EPS8: variants seen among roughly 807,000 people sequenced by gnomAD.
EPS8 encodes the protein epidermal growth factor receptor kinase substrate 8.
In EPS8, 42 loss-of-function variants were observed where a neutral mutation model predicts 103.8. The observed-to-expected ratio is 0.40, with a 90% CI of 0.32 to 0.52. The LOEUF (loss-of-function observed/expected upper bound fraction) is 0.52, where lower values mean the gene tolerates loss of function less well. EPS8 is among the 20% of genes least tolerant of loss of function. EPS8 has a pLI of 0.40. For missense variants in EPS8, 969 were observed against 1,005.1 expected (o/e 0.96, Z 0.49); for synonymous variants, 344 against 344.6 (o/e 1.00, Z 0.02).
chr12:15,739,499 T>A (rs986732215), intron 1 of EPS8, among the ~76,000 whole-genome samples: 1 of 152,144 alleles, frequency 6.6e-6, no homozygotes, highest in Non-Finnish European at 1.5e-5. Flanking sequence ...GGGGACCAGA[T>A]GGAACAAAAA....
intron 17 of EPS8, among the ~76,000 whole-genome samples, chr12:15,636,446 T>C (rs1473409888): frequency 1.3e-5 from 2 of 152,194 alleles, no homozygotes; most frequent in East Asian, 3.8e-4. Context: ...ACAGAGCTGT[T>C]AAAAATCACT....
At chr12:15,643,805 G>A (rs534589156) in intron 15 of EPS8, among the ~76,000 whole-genome samples, 3 of 148,124 alleles carry the variant, frequency 2.0e-5, no homozygotes, top group Non-Finnish European at 4.4e-5. Context: ...GTAACAAAAC[G>A]TATGGGCTCA....
chr12:15,719,804 A>T (rs1946574950), intron 1 of EPS8, among the ~76,000 whole-genome samples: 1 of 152,172 alleles, frequency 6.6e-6, no homozygotes, highest in Admixed American at 6.6e-5. Context: ...CTTTATTTAG[A>T]TTATAGTTTA....
chr12:15,691,299 G>A (rs541487987), intron 1 of EPS8, among the ~76,000 whole-genome samples: 18 of 151,770 alleles, frequency 1.2e-4, no homozygotes, highest in African/African-American at 4.4e-4. Flanking sequence ...CCAACACTTT[G>A]GGAAGTCAAG....
In EPS8 at chr12:15,701,999, T is replaced by A. The variant is rs1201866246; in HGVS notation, c.-21-19027A>T. 6.6e-6 allele frequency among the ~76,000 whole-genome samples: 1 copy of A among 152,212 alleles called. No homozygotes were observed. The highest frequency in any genetic ancestry group is 1.5e-5 in the Non-Finnish European group (1 of 68,026). ...AGTATTCACTCATATTTATAACTGG[T>A]TCATGGAAACTAGTTTAAATATTAA... On this transcript the variant is annotated intron_variant, in intron 1 of 20. Coordinates refer to ENST00000281172, the MANE Select transcript of EPS8 (RefSeq NM_004447.6). The surrounding 1 kb of genome is among the most constrained non-coding windows in gnomAD (Gnocchi z 5.1).
rs1946767197 is a variant in EPS8 at position 15,736,400 on chromosome 12, T to C, written c.-22+52761A>G. ...TTCTTCTGTACAGAGGTTAATATAA[T>C]AAAAAATCACTTGCCTGGAGGCCAC... On this transcript the variant is annotated intron_variant, in intron 1 of 20. Transcript: ENST00000281172. This position sits in a 1 kb window ranked among gnomAD's most constrained non-coding sequence, Gnocchi z 4.2. Among the ~76,000 whole-genome samples the C allele has an allele frequency of 6.6e-6, 1 of 152,104 alleles. No homozygotes were observed. The highest frequency in any genetic ancestry group is 2.4e-5 in the African/African-American group (1 of 41,424).
Position 15,748,522 on chromosome 12 carries a change from C to A in EPS8, c.-22+40639G>T, listed in dbSNP as rs968295928. On this transcript the variant is annotated intron_variant, in intron 1 of 20. Coordinates refer to ENST00000281172, the MANE Select transcript of EPS8 (RefSeq NM_004447.6). The surrounding 1 kb of genome is among the most constrained non-coding windows in gnomAD (Gnocchi z 4.8). Reference sequence around the variant, plus strand: ...TTTCAGTGAATTAAGTGTCTGAATACCTACACCTTTTCTTAAAGATCTCCA... The same window carrying A: ...TTTCAGTGAATTAAGTGTCTGAATAACTACACCTTTTCTTAAAGATCTCCA... Among the ~76,000 whole-genome samples, 1 of 152,002 alleles carries A rather than the reference C, an allele frequency of 6.6e-6. No homozygotes were observed. The highest frequency in any genetic ancestry group is 6.6e-5 in the Admixed American group (1 of 15,266).
rs1233842231 is a variant in EPS8 at position 15,706,362 on chromosome 12, C to T, written c.-21-23390G>A. Among the ~76,000 whole-genome samples the T allele has an allele frequency of 3.3e-5, 5 of 152,200 alleles. No homozygotes were observed. The highest frequency in any genetic ancestry group is 4.8e-5 in the African/African-American group (2 of 41,452). Reference sequence around the variant, plus strand: ...TGACAATGCCAAGTTCTTCCTTCCTCGAGGCCTATCACACTTGTCTAGAAT... The same window carrying T: ...TGACAATGCCAAGTTCTTCCTTCCTTGAGGCCTATCACACTTGTCTAGAAT... On this transcript the variant is annotated intron_variant, in intron 1 of 20. Transcript: ENST00000281172. This position sits in a 1 kb window ranked among gnomAD's most constrained non-coding sequence, Gnocchi z 5.2.
At position 15,738,364 on chromosome 12, in the gene EPS8, A is replaced by G. The variant is rs991646535; in HGVS notation, c.-22+50797T>C. ...TTTTGCCTATAACTCCTATTCACCT[A>G]AGTTGTGAAGATAAAGGATAAATAA... is the stretch of plus-strand genomic sequence containing the variant. On this transcript the variant is annotated intron_variant, in intron 1 of 20. Transcript: ENST00000281172. This position sits in a 1 kb window ranked among gnomAD's most constrained non-coding sequence, Gnocchi z 6.2. Among the ~76,000 whole-genome samples the G allele has an allele frequency of 6.6e-6, 1 of 152,146 alleles. No individual in the cohort carries two copies. Among genetic ancestry groups the G allele is most frequent in the African/African-American group, 2.4e-5 (1 of 41,440 alleles).
intron 17 of EPS8, among the ~76,000 whole-genome samples, chr12:15,633,853 A>C (rs1385264155): frequency 6.6e-6 from 1 of 152,162 alleles, no homozygotes; most frequent in Non-Finnish European, 1.5e-5. Flanking sequence ...AACTGGTTTG[A>C]AATTCTTCAT....
intron 1 of EPS8, among the ~76,000 whole-genome samples, chr12:15,712,691 C>A (rs1946482751): frequency 1.3e-5 from 2 of 152,164 alleles, no homozygotes; most frequent in Admixed American, 6.5e-5. Context: ...AGTTCAGAAT[C>A]CACTTGGAAT....
intron 14 of EPS8, among the ~76,000 whole-genome samples, chr12:15,648,209 T>C (rs1205478582): frequency 1.3e-5 from 2 of 152,180 alleles, no homozygotes; most frequent in Non-Finnish European, 2.9e-5. Flanking sequence ...CATGCTCAGA[T>C]TGGGAGAAAA....
At chr12:15,637,090 G>A (rs1467847744) in intron 17 of EPS8, among the ~76,000 whole-genome samples, 1 of 152,172 alleles carries the variant, frequency 6.6e-6, no homozygotes, top group Non-Finnish European at 1.5e-5. Flanking sequence ...GCACAATCTC[G>A]GCTCACCGCA....
Position 15,660,687 on chromosome 12 carries a change from T to G in EPS8, c.864A>C (p.Gln288His). The change falls in exon 10 of 21, where the codon CAA (glutamine) becomes CAC (histidine). Residue 288 changes from glutamine (Q) to histidine (H), a missense_variant. Coordinates refer to ENST00000281172, the MANE Select transcript of EPS8 (RefSeq NM_004447.6). Reference protein sequence around the residue: ...DDIEFFITKLQKAAEAFSELS... With the variant: ...DDIEFFITKLHKAAEAFSELS... ...GCTCAGAAAATGCTTCTGCTGCTTTTTGGAGTTTTGTGATAAAAAATTCAA... is the reference window on the plus strand; with the variant it reads ...GCTCAGAAAATGCTTCTGCTGCTTTGTGGAGTTTTGTGATAAAAAATTCAA... 1 of 1,612,420 alleles carries G rather than the reference T, an allele frequency of 6.2e-7. No homozygotes were observed. The highest frequency in any genetic ancestry group is 8.5e-7 in the Non-Finnish European group (1 of 1,178,742).
chr12:15,680,806 T>C (rs987481332), intron 3 of EPS8, among the ~76,000 whole-genome samples: 2 of 152,058 alleles, frequency 1.3e-5, no homozygotes, highest in Non-Finnish European at 2.9e-5. Flanking sequence ...TTGCAGTGCA[T>C]AAAGAAATTA....
Position 15,768,429 on chromosome 12 carries a change from CAAAAAAAAAAA to C in EPS8, c.-22+20721_-22+20731del, listed in dbSNP as rs71042268. Among the ~76,000 whole-genome samples the C allele has an allele frequency of 2.4e-4, 6 of 24,858 alleles. No homozygotes were observed. The East Asian group carries it at 3.6e-3, about 15-fold the overall frequency. 16.3% of individuals were successfully genotyped at this position (24,858 alleles called of 152,430 possible). On this transcript the variant is annotated intron_variant, in intron 1 of 20. Coordinates refer to ENST00000281172, the MANE Select transcript of EPS8 (RefSeq NM_004447.6). ...CTCTAGCCTGCAAGAGACTCCATCT[CAAAAAAAAAAA>C]AAAAAAAAAAAAAAAGAATTTTAAG...
At chr12:15,770,864 G>C (rs1947146958) in intron 1 of EPS8, among the ~76,000 whole-genome samples, 1 of 152,100 alleles carries the variant, frequency 6.6e-6, no homozygotes, top group African/African-American at 2.4e-5. Context: ...ATCTCATGAT[G>C]AAAGATGCAA....
At position 15,769,941 on chromosome 12, in the gene EPS8, G is replaced by GT. The variant is rs989287481; in HGVS notation, c.-22+19219dup. ...GTAATTTTCATGTTTTTTTAATTAG[G>GT]TTTTTTTTTTTCTTTTTTGAGACTA... On this transcript the variant is annotated intron_variant, in intron 1 of 20. Coordinates refer to ENST00000281172, the MANE Select transcript of EPS8 (RefSeq NM_004447.6). The surrounding 1 kb of genome is among the most constrained non-coding windows in gnomAD (Gnocchi z 4.6). Among the ~76,000 whole-genome samples the GT allele has an allele frequency of 1.0e-3, 149 of 146,012 alleles. No individual in the cohort carries two copies. Among genetic ancestry groups the GT allele is most frequent in the Admixed American group, 1.4e-3 (21 of 14,568 alleles).
intron 18 of EPS8, among the ~76,000 whole-genome samples, chr12:15,630,311 C>T (rs1285379542): frequency 6.6e-6 from 1 of 152,066 alleles, no homozygotes; most frequent in Non-Finnish European, 1.5e-5. Flanking sequence ...AGTTTTTACA[C>T]ATCAAGTATA....
Sources: gnomAD v4.1 joint callset for allele counts (sites outside exome capture counted in the v4.1 genomes callset) on GRCh38, gnomAD v4.1.1 for gene constraint, Gnocchi (gnomAD v3.1) non-coding constraint, MANE v1.5 for transcripts, NCBI Gene and HGNC (gene_info 2026-07-23, HGNC 2026-07-21) for gene names.